The following MYO1B variants were observed in gnomAD, a reference collection of about 807,000 sequenced individuals.
MYO1B encodes unconventional myosin-Ib.
Under a neutral mutation model 159.7 loss-of-function variants are expected in MYO1B, and 72 were observed. That is an observed-to-expected ratio of 0.45 (90% CI 0.37 to 0.55). The LOEUF is 0.55. MYO1B is among the 20% of genes least tolerant of loss of function. MYO1B has a pLI of 0.00. For synonymous variants in MYO1B, 468 were observed against 473.8 expected (o/e 0.99, Z 0.16); for missense variants, 1,062 against 1,364.8 (o/e 0.78, Z 3.50).
intron 28 of MYO1B, 36 bp downstream of exon 28, chr2:191,414,216 C>G (rs1343814207): frequency 1.9e-6 from 3 of 1,584,968 alleles, no homozygotes; most frequent in Middle Eastern, 1.7e-4. Context: ...ATAAGAAGTA[C>G]CTATTAGTTG....
rs142741123 is a variant in MYO1B, at chr2:191,342,389, T to C, written c.451+824T>C. Among the ~76,000 whole-genome samples the C allele has an allele frequency of 4.3e-3, 657 of 152,244 alleles. 9 individuals carry two copies. Among genetic ancestry groups the C allele is most frequent in the African/African-American group, 0.014 (579 of 41,520 alleles). On this transcript the variant is annotated intron_variant, in intron 5 of 30. Coordinates refer to ENST00000392318, the MANE Select transcript of MYO1B (RefSeq NM_001130158.3). ...TTTTGAGGGTTAGGGCTTCAACATATGAATTTTGCAGGGAGATAAGCATTC... is the reference window on the plus strand; with the variant it reads ...TTTTGAGGGTTAGGGCTTCAACATACGAATTTTGCAGGGAGATAAGCATTC...
rs568628629 is a variant in MYO1B at position 191,421,218 on chromosome 2, C to T, written c.3288-2619C>T. 2.6e-5 allele frequency among the ~76,000 whole-genome samples: 4 copies of T among 152,038 alleles called. No homozygotes were observed. The South Asian group carries it at 8.3e-4, about 32-fold the overall frequency. On this transcript the variant is annotated intron_variant, in intron 30 of 30. Coordinates refer to ENST00000392318, the MANE Select transcript of MYO1B (RefSeq NM_001130158.3). ...CCGAGTAGCTGAGGTTACAGGCATG[C>T]ACCACCACGCCCTGCTAATTTTTGT...
rs973288951 is a variant in MYO1B, at chr2:191,288,658, C to T, written c.136-7453C>T. ...CTACCATGCCCAGCATGATGTTTTGCATAAAGTTAGCCCTTAATAAATTTG... is the reference window on the plus strand; with the variant it reads ...CTACCATGCCCAGCATGATGTTTTGTATAAAGTTAGCCCTTAATAAATTTG... On this transcript the variant is annotated intron_variant, in intron 2 of 30. Coordinates refer to ENST00000392318, the MANE Select transcript of MYO1B (RefSeq NM_001130158.3). Among the ~76,000 whole-genome samples the T allele has an allele frequency of 3.9e-5, 6 of 152,190 alleles. No homozygotes were observed. The South Asian group carries it at 8.3e-4, about 21-fold the overall frequency.
chr2:191,280,095 G>C (rs115141917), intron 2 of MYO1B, among the ~76,000 whole-genome samples: 1 of 152,104 alleles, frequency 6.6e-6, no homozygotes, highest in East Asian at 1.9e-4. Context: ...CAGAGCTCTC[G>C]TGAGGGATTG....
chr2:191,329,276 A>T (rs1443260947), intron 3 of MYO1B, among the ~76,000 whole-genome samples: 2 of 152,164 alleles, frequency 1.3e-5, no homozygotes, highest in Non-Finnish European at 2.9e-5. Context: ...CTTGGGCTGG[A>T]CAAAAACCCT....
At chr2:191,276,849 T>G (rs1448922670) in intron 1 of MYO1B, 38 bp from the exon 2 acceptor site, 1 of 1,568,932 alleles carries the variant, frequency 6.4e-7, no homozygotes, top group Non-Finnish European at 8.6e-7. Context: ...GAAATTATTT[T>G]GCTCGTTTAA....
chr2:191,405,315 T>A (rs545443271), intron 24 of MYO1B, among the ~76,000 whole-genome samples: 1 of 152,346 alleles, frequency 6.6e-6, no homozygotes, highest in South Asian at 2.1e-4. Context: ...CTGCAGTTAC[T>A]TCCTCCACTA....
At chr2:191,354,062 C>A (rs1693100842) in intron 7 of MYO1B, among the ~76,000 whole-genome samples, 1 of 151,976 alleles carries the variant, frequency 6.6e-6, no homozygotes, top group Non-Finnish European at 1.5e-5. Flanking sequence ...TCAAGACCAG[C>A]CTGATCAACA....
chr2:191,403,811 T>C (rs10184872), intron 24 of MYO1B, among the ~76,000 whole-genome samples: 10,180 of 152,280 alleles, frequency 0.067, 1,144 homozygotes, highest in African/African-American at 0.23. Context: ...ACAAGCTCTA[T>C]AACCGGTTTT....
intron 3 of MYO1B, among the ~76,000 whole-genome samples, chr2:191,324,547 C>T (rs1214873319): frequency 1.3e-5 from 2 of 152,154 alleles, no homozygotes; most frequent in African/African-American, 4.8e-5. Context: ...TCCTCCCAGT[C>T]CCATCTGTTA....
At chr2:191,277,130 T>C (rs1687803289) in intron 2 of MYO1B, 100 bp downstream of exon 2, 3 of 1,407,716 alleles carry the variant, frequency 2.1e-6, no homozygotes, top group South Asian at 1.3e-5. Context: ...TTTCTCTCTG[T>C]TTGAGTCCAG....
intron 1 of MYO1B, among the ~76,000 whole-genome samples, chr2:191,255,268 TC>T (rs1686368373): frequency 6.6e-6 from 1 of 152,224 alleles, no homozygotes; most frequent in African/African-American, 2.4e-5. Flanking sequence ...AGATGTGGTT[TC>T]TGCTCTCATG....
chr2:191,295,639 C>G (rs181801767), intron 2 of MYO1B, among the ~76,000 whole-genome samples: 1 of 152,092 alleles, frequency 6.6e-6, no homozygotes, highest in Admixed American at 6.6e-5. Context: ...TGCAGAGGGC[C>G]AGTGCCAAAG....
At chr2:191,393,260 G>A (rs761408077) in intron 20 of MYO1B, 38 bp downstream of exon 20, 10 of 1,602,886 alleles carry the variant, frequency 6.2e-6, no homozygotes, top group Admixed American at 1.7e-5. Flanking sequence ...TAATAACAAT[G>A]CTAATTTGCC....
chr2:191,332,958 G>A (rs910868879), intron 4 of MYO1B, among the ~76,000 whole-genome samples: 17 of 152,130 alleles, frequency 1.1e-4, no homozygotes, highest in African/African-American at 4.1e-4. Flanking sequence ...CATACAGTAG[G>A]TAGTCAGTAC....
intron 1 of MYO1B, among the ~76,000 whole-genome samples, chr2:191,256,788 A>C (rs1328266224): frequency 6.6e-6 from 1 of 152,180 alleles, no homozygotes; most frequent in Admixed American, 6.5e-5. Context: ...GTGAGAAGCC[A>C]GGGGTAGGCC....
chr2:191,392,386 G>T (rs1157597778), intron 19 of MYO1B, among the ~76,000 whole-genome samples, 185 bp downstream of exon 19: 1 of 152,148 alleles, frequency 6.6e-6, no homozygotes, highest in African/African-American at 2.4e-5. Context: ...AGAAGAATGC[G>T]TATTTTTTAT....
chr2:191,388,254 G>A (rs1243388300), intron 17 of MYO1B: 2 of 150,366 alleles, frequency 1.3e-5, no homozygotes, highest in Non-Finnish European at 2.9e-5. Context: ...TCCAGCCCGG[G>A]TGACAATACA....
chr2:191,254,430 G>A (rs1291044808), intron 1 of MYO1B, among the ~76,000 whole-genome samples: 1 of 151,672 alleles, frequency 6.6e-6, no homozygotes, highest in African/African-American at 2.4e-5. Context: ...GACTGATCTC[G>A]AACTCCTGAC....
Sources: gnomAD v4.1 joint callset for allele counts (sites outside exome capture counted in the v4.1 genomes callset) on GRCh38, gnomAD v4.1.1 for gene constraint, MANE v1.5 for transcripts, NCBI Gene and HGNC (gene_info 2026-07-23, HGNC 2026-07-21) for gene names.